The following GMPS variants were observed in gnomAD, a reference collection of about 807,000 sequenced individuals.
The protein encoded by GMPS is guanosine monophosphate synthase.
Under a neutral mutation model 77.9 loss-of-function variants are expected in GMPS, and 15 were observed. The ratio of observed to expected loss-of-function variants is 0.19; its 90% CI spans 0.13 to 0.30. The LOEUF is 0.30. GMPS is among the 10% of genes least tolerant of loss of function. The probability of loss-of-function intolerance (pLI) is 1.00; values close to 1 mark genes in which losing one functional copy is unlikely to be tolerated. For missense variants in GMPS, 590 were observed against 838.8 expected, an observed-to-expected ratio of 0.70 and a Z score of 3.66; for synonymous variants, 224 against 275.9, an observed-to-expected ratio of 0.81 and a Z score of 1.86.
At chr3:155,925,183 A>C (rs1282855103) in intron 11 of GMPS, 58 bp from the exon 12 acceptor site, 1 of 1,486,748 alleles carries the variant, frequency 6.7e-7, no homozygotes, top group East Asian at 2.3e-5. Context: ...AGTAGATAAT[A>C]AAAGAGTGAA....
intron 6 of GMPS, 59 bp from the exon 7 acceptor site, chr3:155,911,055 T>G: frequency 7.4e-7 from 1 of 1,357,868 alleles, no homozygotes; most frequent in Non-Finnish European, 1.0e-6. Flanking sequence ...TTTAAGCCAA[T>G]AGTGTTTATT....
rs77440100 is a variant in GMPS at position 155,940,740 on chromosome 3, G to GTT, written c.*3065_*3066dup. The GTT allele has an allele frequency of 0.13, 21,932 of 174,096 alleles. 1,212 individuals carry two copies. The highest frequency in any genetic ancestry group is 0.16 in the African/African-American group (6,252 of 39,150). 10.8% of individuals were successfully genotyped at this position (174,096 alleles called of 1,614,324 possible). ...AGACAGAATGGAGAAGCTGGATAGTGTTTTTTTTTTTTTTTTTTAAGGTTC... is the reference window on the plus strand; with the variant it reads ...AGACAGAATGGAGAAGCTGGATAGTGTTTTTTTTTTTTTTTTTTTTAAGGTTC... On this transcript the variant is annotated 3_prime_UTR_variant, in exon 16 of 16. Transcript: ENST00000496455.
chr3:155,922,122 A>G (rs1252037448), intron 10 of GMPS, 65 bp from the exon 11 acceptor site: 32 of 661,090 alleles, frequency 4.8e-5, no homozygotes, highest in Middle Eastern at 4.0e-4. Context: ...TGGCATTTTT[A>G]TATTAGATTT....
chr3:155,909,007 A>AT (rs1477990317), intron 5 of GMPS, among the ~76,000 whole-genome samples: 1 of 152,172 alleles, frequency 6.6e-6, no homozygotes, highest in Non-Finnish European at 1.5e-5. Context: ...AGGAACCAGC[A>AT]AAGAGATTCA....
rs746401930 is a variant in GMPS at position 155,943,099 on chromosome 3, C to T, written c.*5407C>T. On this transcript the variant is annotated 3_prime_UTR_variant, in exon 16 of 16. Transcript: ENST00000496455. ...TGTAAAAATTAGCTGGGCTTGGTGG[C>T]GCGCGCCTGTAATCCCAGCTACTCG... The T allele has an allele frequency of 1.8e-4, 31 of 175,516 alleles. No homozygotes were observed. The highest frequency in any genetic ancestry group is 3.1e-4 in the Non-Finnish European group (25 of 81,486). The allele number at this position is 175,516 out of a possible 1,614,324, so 10.9% of individuals were successfully genotyped here.
intron 11 of GMPS, among the ~76,000 whole-genome samples, chr3:155,923,669 T>G (rs1695526968): frequency 6.6e-6 from 1 of 152,218 alleles, no homozygotes; most frequent in African/African-American, 2.4e-5. Flanking sequence ...TAAAGTTATT[T>G]CGAGATTAAA....
At chr3:155,886,148 AC>A (rs1754328825) in intron 1 of GMPS, among the ~76,000 whole-genome samples, 1 of 151,792 alleles carries the variant, frequency 6.6e-6, no homozygotes, top group African/African-American at 2.4e-5. Flanking sequence ...TGTTTTGCTG[AC>A]TAAAATATTA....
chr3:155,892,120 T>A (rs1754486703), intron 1 of GMPS, among the ~76,000 whole-genome samples: 1 of 152,148 alleles, frequency 6.6e-6, no homozygotes, highest in South Asian at 2.1e-4. Context: ...TTGAAGAGTA[T>A]AAAGAAATAA....
At chr3:155,906,714 C>CTG (rs1553785901) in intron 5 of GMPS, among the ~76,000 whole-genome samples, 15 of 151,858 alleles carry the variant, frequency 9.9e-5, no homozygotes, top group African/African-American at 2.2e-4. Context: ...TGGGTCAAAT[C>CTG]TAGTCTTTTG....
At chr3:155,931,280 G>A (rs9846097) in intron 12 of GMPS, among the ~76,000 whole-genome samples, 29,374 of 151,624 alleles carry the variant, frequency 0.19, 3,006 homozygotes, top group South Asian at 0.26. Context: ...CCACCTCCCA[G>A]GATCAAGCAG....
chr3:155,896,079 T>G (rs1332440232), intron 2 of GMPS, among the ~76,000 whole-genome samples: 1 of 151,708 alleles, frequency 6.6e-6, no homozygotes, highest in Non-Finnish European at 1.5e-5. Flanking sequence ...GTGTGATCTC[T>G]GCTCACTGCA....
chr3:155,871,634 C>G (rs1160354996), intron 1 of GMPS, among the ~76,000 whole-genome samples: 1 of 152,254 alleles, frequency 6.6e-6, no homozygotes, highest in South Asian at 2.1e-4. Context: ...GTCCCGCCCC[C>G]GTCCAGCTTG....
intron 1 of GMPS, among the ~76,000 whole-genome samples, chr3:155,888,264 C>T (rs972611239): frequency 6.9e-6 from 1 of 144,154 alleles, no homozygotes; most frequent in Non-Finnish European, 1.5e-5. Flanking sequence ...TAGGGTTGGT[C>T]GTTCTGAGTT....
At chr3:155,879,063 A>G (rs62286799) in intron 1 of GMPS, among the ~76,000 whole-genome samples, 8,315 of 152,196 alleles carry the variant, frequency 0.055, 316 homozygotes, top group East Asian at 0.18. Context: ...AGCCTCAGCT[A>G]TTGGATAATG....
intron 5 of GMPS, 21 bp from the exon 6 acceptor site, chr3:155,910,671 G>T: frequency 1.0e-5 from 13 of 1,290,142 alleles, no homozygotes; most frequent in East Asian, 5.4e-5. Flanking sequence ...ATTTTAATTT[G>T]TGACTATTTT....
intron 1 of GMPS, among the ~76,000 whole-genome samples, chr3:155,889,563 G>A (rs1313452754): frequency 6.6e-6 from 1 of 152,164 alleles, no homozygotes; most frequent in Non-Finnish European, 1.5e-5. Context: ...TAGCACTAGG[G>A]TTTGTGGCTG....
At chr3:155,929,278 T>C (rs1755540165) in intron 12 of GMPS, among the ~76,000 whole-genome samples, 1 of 152,038 alleles carries the variant, frequency 6.6e-6, no homozygotes, top group African/African-American at 2.4e-5. Flanking sequence ...TGCATTTCTC[T>C]GATGGCCAGT....
intron 7 of GMPS, 45 bp from the exon 8 acceptor site, chr3:155,914,374 A>G: frequency 7.3e-7 from 1 of 1,376,110 alleles, no homozygotes; most frequent in Non-Finnish European, 9.6e-7. Context: ...TTTTGATTAA[A>G]AAACATGTTA....
intron 8 of GMPS, among the ~76,000 whole-genome samples, chr3:155,915,538 A>G (rs903442969): frequency 5.3e-5 from 8 of 152,250 alleles, no homozygotes; most frequent in African/African-American, 1.9e-4. Context: ...AGTAGCTGGG[A>G]TTACAGGCGT....
Sources: allele counts gnomAD v4.1 joint callset (sites outside exome capture counted in the v4.1 genomes callset), GRCh38; gene constraint gnomAD v4.1.1; transcripts MANE v1.5; gene names NCBI Gene and HGNC (gene_info 2026-07-23, HGNC 2026-07-21).